The following ACOT7 variants were observed in gnomAD, a reference collection of about 807,000 sequenced individuals.
ACOT7 encodes acyl-CoA thioesterase 7.
A neutral mutation model predicts 40.2 loss-of-function variants in ACOT7; 12 were observed. That is an observed-to-expected ratio of 0.30 (90% CI 0.19 to 0.48). ACOT7 has a LOEUF of 0.48. Ranked by LOEUF, ACOT7 falls within the 20% of genes least tolerant of loss-of-function variation. The pLI, the probability that ACOT7 is intolerant of heterozygous loss-of-function variation, is 0.99. For synonymous variants in ACOT7, 228 were observed against 219.5 expected (o/e 1.04, Z -0.34); for missense variants, 395 against 530.8 (o/e 0.74, Z 2.51).
rs1199721326 is a variant in ACOT7, at chr1:6,264,380, C to A, written c.*217G>T. ...GCCCAACGCCTCCCGGCGCTCGGGA[C>A]AACACTGTGTAGCATTGATACTGGA... On this transcript the variant is annotated 3_prime_UTR_variant, in exon 9 of 9. Transcript: ENST00000361521. 5.4e-6 allele frequency: 3 copies of A among 560,436 alleles called. No homozygotes were observed. In the South Asian group the frequency reaches 7.0e-5, roughly 13 times the overall value. 34.7% of individuals were successfully genotyped at this position (560,436 alleles called of 1,614,324 possible). A position where few individuals can be genotyped will look rare whatever the true frequency, so the allele number is the denominator to read the frequency against.
intron 7 of ACOT7, among the ~76,000 whole-genome samples, chr1:6,285,412 C>G (rs1639474726): frequency 6.6e-6 from 1 of 152,256 alleles, no homozygotes; most frequent in African/African-American, 2.4e-5. Flanking sequence ...CTGTCCACCT[C>G]CCTTCCTCCC....
intron 2 of ACOT7, among the ~76,000 whole-genome samples, chr1:6,344,770 A>G (rs1419445116): frequency 8.2e-6 from 1 of 121,884 alleles, no homozygotes; most frequent in African/African-American, 3.7e-5. Context: ...TCTCAAAAAA[A>G]AAAAAAAAAA....
chr1:6,313,444 A>T (rs1640397603), intron 6 of ACOT7, among the ~76,000 whole-genome samples: 1 of 152,210 alleles, frequency 6.6e-6, no homozygotes, highest in Non-Finnish European at 1.5e-5. Flanking sequence ...ACACTTCCCC[A>T]CACCCTGCTC....
intron 6 of ACOT7, among the ~76,000 whole-genome samples, chr1:6,300,571 C>A (rs569764850): frequency 1.3e-5 from 2 of 149,694 alleles, no homozygotes; most frequent in East Asian, 4.0e-4. Context: ...GATCCTGATG[C>A]GCGGCCGGCC....
At chr1:6,373,750 A>G (rs1035270750) in intron 1 of ACOT7, among the ~76,000 whole-genome samples, 1 of 152,086 alleles carries the variant, frequency 6.6e-6, no homozygotes, top group Non-Finnish European at 1.5e-5. Flanking sequence ...CTGTAATCCC[A>G]GCCCTTCAGG....
Position 6,355,211 on chromosome 1 carries a change from C to A in ACOT7, c.144-5345G>T, listed in dbSNP as rs573640900. ...ACAAATAGGGGAGTGTAAGCGAATA[C>A]CCACTCACAGAGGGCACCCGGCACC... is the stretch of plus-strand genomic sequence containing the variant. On this transcript the variant is annotated intron_variant, in intron 1 of 8. Transcript: ENST00000361521. This position sits in a 1 kb window ranked among gnomAD's most constrained non-coding sequence, Gnocchi z 5.0. Among the ~76,000 whole-genome samples the A allele has an allele frequency of 6.6e-6, 1 of 152,214 alleles. No individual in the cohort carries two copies. The highest frequency in any genetic ancestry group is 2.4e-5 in the African/African-American group (1 of 41,514).
chr1:6,350,648 A>C (rs888409567), intron 1 of ACOT7, among the ~76,000 whole-genome samples: 3 of 152,238 alleles, frequency 2.0e-5, no homozygotes, highest in Admixed American at 2.0e-4. Flanking sequence ...AGCCGCCTTC[A>C]CAGGCCGAGG....
intron 1 of ACOT7, among the ~76,000 whole-genome samples, chr1:6,351,086 T>C (rs1641578064): frequency 6.6e-6 from 1 of 152,182 alleles, no homozygotes; most frequent in Non-Finnish European, 1.5e-5. Flanking sequence ...GGTTGGAAGC[T>C]CCAAGAAACC....
rs1369463266 is a variant in ACOT7, at chr1:6,274,640, C to T, written c.1014+6462G>A. Reference sequence around the variant, plus strand: ...GTTGTGTGGGTCTGTGCTGAGGCCACGCCTCACATAAGGCCCCAGCAGAGG... The same window carrying T: ...GTTGTGTGGGTCTGTGCTGAGGCCATGCCTCACATAAGGCCCCAGCAGAGG... On this transcript the variant is annotated intron_variant, in intron 8 of 8. Coordinates refer to ENST00000361521, the MANE Select transcript of ACOT7 (RefSeq NM_007274.4). This position sits in a 1 kb window ranked among gnomAD's most constrained non-coding sequence, Gnocchi z 5.9. Among the ~76,000 whole-genome samples, 5 of 152,200 alleles carry T rather than the reference C, an allele frequency of 3.3e-5. No individual in the cohort carries two copies. Among genetic ancestry groups the T allele is most frequent in the Admixed American group, 6.5e-5 (1 of 15,280 alleles).
chr1:6,358,741 AC>A lies in ACOT7; in HGVS notation c.144-8876del. The A allele has an allele frequency of 7.1e-7, 1 of 1,407,514 alleles. No homozygotes were observed. The highest frequency in any genetic ancestry group is 1.0e-6 in the Non-Finnish European group (1 of 998,032). The allele number at this position is 1,407,514 out of a possible 1,614,324, so 87.2% of individuals were successfully genotyped here. A position where few individuals can be genotyped will look rare whatever the true frequency, so the allele number is the denominator to read the frequency against. ...TGGGCACAGGGGCCGAGTCCCCTCT[AC>A]CCACCCTTCCCTTCCAAATGTCCCT... On this transcript the variant is annotated intron_variant, in intron 1 of 8. Coordinates refer to ENST00000361521, the MANE Select transcript of ACOT7 (RefSeq NM_007274.4). The surrounding 1 kb of genome is among the most constrained non-coding windows in gnomAD (Gnocchi z 4.1).
At chr1:6,287,449 G>C (rs532733581) in intron 7 of ACOT7, among the ~76,000 whole-genome samples, 1 of 152,276 alleles carries the variant, frequency 6.6e-6, no homozygotes, top group Non-Finnish European at 1.5e-5. Context: ...GACAGTCCCT[G>C]TCTCACTGGG....
intron 1 of ACOT7, among the ~76,000 whole-genome samples, chr1:6,385,283 G>A (rs962111721): frequency 5.3e-5 from 8 of 151,762 alleles, no homozygotes; most frequent in Non-Finnish European, 8.8e-5. Context: ...CGGGTGTTCC[G>A]CTCGTCCCTA....
rs540589900 is a variant in ACOT7 at position 6,381,851 on chromosome 1, T to C, written c.143+11406A>G. 3.9e-5 allele frequency among the ~76,000 whole-genome samples: 6 copies of C among 152,034 alleles called. No homozygotes were observed. In the South Asian group the frequency reaches 6.2e-4, roughly 16 times the overall value. ...GATTCAGTCTTTAAAAGGAAGGGAA[T>C]GAGCCGGGCGCGGTGGCTCACGCCT... On this transcript the variant is annotated intron_variant, in intron 1 of 8. Transcript: ENST00000361521.
chr1:6,287,685 C>T (rs1353506702), intron 7 of ACOT7, among the ~76,000 whole-genome samples: 2 of 151,890 alleles, frequency 1.3e-5, no homozygotes, highest in Non-Finnish European at 2.9e-5. Flanking sequence ...TCTCCAGGGG[C>T]GGCAGCAGCC....
chr1:6,283,413 C>G (rs546616511), intron 7 of ACOT7, among the ~76,000 whole-genome samples: 1 of 152,264 alleles, frequency 6.6e-6, no homozygotes, highest in East Asian at 1.9e-4. Flanking sequence ...CCAACTGCCT[C>G]GGCCTCCCAA....
chr1:6,335,259 A>G (rs1641067179), intron 3 of ACOT7, among the ~76,000 whole-genome samples: 1 of 148,842 alleles, frequency 6.7e-6, no homozygotes, highest in African/African-American at 2.5e-5. Context: ...CCCAGGAGGC[A>G]GAGGTTGCGG....
At chr1:6,291,350 G>C (rs1045514862) in intron 7 of ACOT7, among the ~76,000 whole-genome samples, 4 of 152,202 alleles carry the variant, frequency 2.6e-5, no homozygotes, top group South Asian at 2.1e-4. Flanking sequence ...AGACAGACCA[G>C]AGTGACGCAG....
chr1:6,284,104 G>C (rs943089411), intron 7 of ACOT7, among the ~76,000 whole-genome samples: 4 of 152,250 alleles, frequency 2.6e-5, no homozygotes, highest in African/African-American at 9.6e-5. Context: ...AGAGAGCCCA[G>C]TTTCCAGGGG....
chr1:6,291,494 T>G (rs1639662409), intron 7 of ACOT7, among the ~76,000 whole-genome samples: 1 of 152,188 alleles, frequency 6.6e-6, no homozygotes, highest in Non-Finnish European at 1.5e-5. Flanking sequence ...CCTCTAGAAC[T>G]GGGGGCGAAC....
Sources: allele counts gnomAD v4.1 joint callset (sites outside exome capture counted in the v4.1 genomes callset), GRCh38; gene constraint gnomAD v4.1.1; non-coding constraint Gnocchi (gnomAD v3.1); transcripts MANE v1.5; gene names NCBI Gene and HGNC (gene_info 2026-07-23, HGNC 2026-07-21).